The following BICD1 variants were observed in gnomAD, a reference collection of about 807,000 sequenced individuals.
The protein encoded by BICD1 is BICD cargo adaptor 1.
In BICD1, 35 loss-of-function variants were observed where a neutral mutation model predicts 92.5. The observed-to-expected ratio is 0.38, with a 90% CI of 0.29 to 0.50. The LOEUF is 0.50. Among genes scored for constraint, BICD1 ranks in the 20% least tolerant of loss-of-function variants. The pLI, the probability that BICD1 is intolerant of heterozygous loss-of-function variation, is 0.93. For synonymous variants in BICD1, 429 were observed against 465.1 expected, an observed-to-expected ratio of 0.92 and a Z score of 1.00; for missense variants, 950 against 1,189.8, an observed-to-expected ratio of 0.80 and a Z score of 2.97.
chr12:32,374,102 T>C (rs1265940552), intron 9 of BICD1, among the ~76,000 whole-genome samples: 1 of 151,328 alleles, frequency 6.6e-6, no homozygotes, highest in Admixed American at 6.6e-5. Flanking sequence ...TAATCCCAGC[T>C]ACTCAGGAGG....
intron 2 of BICD1, among the ~76,000 whole-genome samples, chr12:32,245,472 GCAAA>G (rs1946356131): frequency 6.6e-6 from 1 of 152,138 alleles, no homozygotes; most frequent in Admixed American, 6.5e-5. Flanking sequence ...TTTTCCTAAA[GCAAA>G]CAGTGTATTG....
At chr12:32,293,231 T>C (rs1947769351) in intron 2 of BICD1, among the ~76,000 whole-genome samples, 1 of 152,244 alleles carries the variant, frequency 6.6e-6, no homozygotes, top group Non-Finnish European at 1.5e-5. Flanking sequence ...GGGATCCTAA[T>C]ATGCATACTA....
At chr12:32,153,164 C>A (rs993987106) in intron 1 of BICD1, among the ~76,000 whole-genome samples, 9 of 152,008 alleles carry the variant, frequency 5.9e-5, no homozygotes, top group Non-Finnish European at 1.2e-4. Flanking sequence ...TGAGAACATA[C>A]GGTATTTGTT....
intron 8 of BICD1, among the ~76,000 whole-genome samples, chr12:32,360,140 T>C (rs1304791899): frequency 6.6e-6 from 1 of 151,492 alleles, no homozygotes; most frequent in East Asian, 1.9e-4. Context: ...ATCACACCAC[T>C]GCACTCCAGC....
At chr12:32,188,493 C>T (rs1944480034) in intron 1 of BICD1, among the ~76,000 whole-genome samples, 2 of 152,104 alleles carry the variant, frequency 1.3e-5, no homozygotes, top group African/African-American at 4.8e-5. Flanking sequence ...ATTCAGTTTT[C>T]TGTAAAAAAA....
At chr12:32,253,946 T>C (rs36187787) in intron 2 of BICD1, among the ~76,000 whole-genome samples, 6 of 146,032 alleles carry the variant, frequency 4.1e-5, no homozygotes, top group African/African-American at 1.3e-4. Flanking sequence ...ACCTGTCATA[T>C]TTACTGCTGT....
At chr12:32,223,606 T>G (rs367781043) in intron 2 of BICD1, among the ~76,000 whole-genome samples, 1 of 152,172 alleles carries the variant, frequency 6.6e-6, no homozygotes, top group Non-Finnish European at 1.5e-5. Context: ...CCTTTCTTCA[T>G]GTCAGAAATG....
intron 4 of BICD1, among the ~76,000 whole-genome samples, chr12:32,325,558 TTA>T (rs1948754905): frequency 2.6e-5 from 4 of 152,176 alleles, no homozygotes; most frequent in Non-Finnish European, 4.4e-5. Context: ...ACCATGAAAG[TTA>T]AATGAGGGGC....
At chr12:32,257,542 T>C (rs1010888127) in intron 2 of BICD1, among the ~76,000 whole-genome samples, 1 of 152,080 alleles carries the variant, frequency 6.6e-6, no homozygotes, top group African/African-American at 2.4e-5. Flanking sequence ...AGAGTAGGCA[T>C]GTAATTTGGT....
At chr12:32,236,188 T>G (rs997011162) in intron 2 of BICD1, among the ~76,000 whole-genome samples, 3 of 150,892 alleles carry the variant, frequency 2.0e-5, no homozygotes, top group Non-Finnish European at 4.4e-5. Flanking sequence ...AGGTCAGGAA[T>G]TCGAGATCAG....
intron 2 of BICD1, among the ~76,000 whole-genome samples, chr12:32,278,612 C>G (rs1224873157): frequency 6.6e-6 from 1 of 152,130 alleles, no homozygotes; most frequent in East Asian, 1.9e-4. Flanking sequence ...CCAGCACTTT[C>G]GGAGGCCGCG....
chr12:32,328,680 A>C lies in BICD1; in HGVS notation c.2100+125A>C. 1.5e-6 allele frequency: 2 copies of C among 1,299,892 alleles called. No homozygotes were observed. Among genetic ancestry groups the C allele is most frequent in the Non-Finnish European group, 2.1e-6 (2 of 959,452 alleles). 80.5% of individuals were successfully genotyped at this position (1,299,892 alleles called of 1,614,324 possible). ...CAGATTCTTGGTAAGTGGATAAATA[A>C]AACTGTCCCAGTGCCAGATCAGAAT... On this transcript the variant is annotated intron_variant, in intron 5 of 9. Coordinates refer to ENST00000652176, the MANE Select transcript of BICD1 (RefSeq NM_001714.4). The surrounding 1 kb of genome is among the most constrained non-coding windows in gnomAD (Gnocchi z 4.4).
chr12:32,306,524 T>C (rs1948229544), intron 4 of BICD1, among the ~76,000 whole-genome samples: 1 of 151,424 alleles, frequency 6.6e-6, no homozygotes, highest in Non-Finnish European at 1.5e-5. Flanking sequence ...ATTACAGGCG[T>C]GAGCCACCGC....
intron 1 of BICD1, among the ~76,000 whole-genome samples, chr12:32,183,331 G>T (rs1270343174): frequency 6.7e-6 from 1 of 150,094 alleles, no homozygotes; most frequent in Admixed American, 6.6e-5. Context: ...GGAGTGCAGT[G>T]GTGCGATCTT....
At chr12:32,320,958 T>C (rs1336095386) in intron 4 of BICD1, among the ~76,000 whole-genome samples, 2 of 152,214 alleles carry the variant, frequency 1.3e-5, no homozygotes, top group Non-Finnish European at 2.9e-5. Context: ...GAAATTAAAA[T>C]AGTAACACTT....
At chr12:32,341,422 C>T (rs879673656) in intron 8 of BICD1, among the ~76,000 whole-genome samples, 1 of 150,408 alleles carries the variant, frequency 6.6e-6, no homozygotes, top group African/African-American at 2.5e-5. Flanking sequence ...CGAGATCGCA[C>T]CACTACACTC....
intron 1 of BICD1, among the ~76,000 whole-genome samples, chr12:32,112,571 A>C (rs901783792): frequency 1.3e-5 from 2 of 152,234 alleles, no homozygotes; most frequent in Non-Finnish European, 1.5e-5. Flanking sequence ...TACATAAAGG[A>C]CTTGCCCACA....
At chr12:32,354,520 T>A (rs575813538) in intron 8 of BICD1, among the ~76,000 whole-genome samples, 1 of 152,218 alleles carries the variant, frequency 6.6e-6, no homozygotes, top group African/African-American at 2.4e-5. Context: ...ATAATGGACT[T>A]TGCTGTGTTA....
chr12:32,295,384 C>T (rs1201489122), intron 3 of BICD1, among the ~76,000 whole-genome samples: 6 of 152,138 alleles, frequency 3.9e-5, no homozygotes, highest in Admixed American at 6.5e-5. Context: ...CTGGTCTAAA[C>T]GCTGTTGCCA....
Sources: gnomAD v4.1 joint callset for allele counts (sites outside exome capture counted in the v4.1 genomes callset) on GRCh38, gnomAD v4.1.1 for gene constraint, Gnocchi (gnomAD v3.1) non-coding constraint, MANE v1.5 for transcripts, NCBI Gene and HGNC (gene_info 2026-07-23, HGNC 2026-07-21) for gene names.